Variants in IRF1 observed in about 807,000 individuals in gnomAD.
IRF1 encodes the protein interferon regulatory factor 1, also known as interferon regulatory factor-1.
In IRF1, 13 loss-of-function variants were observed where a neutral mutation model predicts 43.7. The observed-to-expected ratio is 0.30, with a 90% confidence interval of 0.19 to 0.47. The LOEUF is 0.47. Among genes scored for constraint, IRF1 ranks in the 20% least tolerant of loss-of-function variants. The probability of loss-of-function intolerance (pLI) is 0.99; values close to 1 mark genes in which losing one functional copy is unlikely to be tolerated. For synonymous variants in IRF1, 138 were observed against 146.8 expected (o/e 0.94, Z 0.43); for missense variants, 236 against 408.9 (o/e 0.58, Z 3.65).
In IRF1 at chr5:132,482,043, C is replaced by A. The variant is rs1452834691; in HGVS notation, c.*1908G>T. 6.7e-6 allele frequency: 1 copy of A among 149,758 alleles called. No individual in the cohort carries two copies. The highest frequency in any genetic ancestry group is 1.5e-5 in the Non-Finnish European group (1 of 67,906). The allele number at this position is 149,758 out of a possible 1,614,324, so 9.3% of individuals were successfully genotyped here. On this transcript the variant is annotated 3_prime_UTR_variant, in exon 10 of 10. Coordinates refer to ENST00000245414, the MANE Select transcript of IRF1 (RefSeq NM_002198.3). ...CTCCTTCTGCCATTGTCTATGTGAA[C>A]ATAAACAAAAGGATTTTTTTTTTTT...
At position 132,483,930 on chromosome 5, in the gene IRF1, AAG is replaced by A. The variant is rs779834769; in HGVS notation, c.*19_*20del. The A allele has an allele frequency of 1.9e-6, 3 of 1,611,882 alleles. No individual in the cohort carries two copies. In the African/African-American group the frequency reaches 4.0e-5, roughly 22 times the overall value. On this transcript the variant is annotated 3_prime_UTR_variant, in exon 10 of 10. Coordinates refer to ENST00000245414, the MANE Select transcript of IRF1 (RefSeq NM_002198.3). ...CCAGGTCCTGCTTGCCTAGAGGAATAAGAGGGGCCCAGGGGCCCTGCTACGGT... is the reference window on the plus strand; with the variant it reads ...CCAGGTCCTGCTTGCCTAGAGGAATAAGGGGCCCAGGGGCCCTGCTACGGT...
chr5:132,487,202 G>A (rs923426851), intron 3 of IRF1, 72 bp from the exon 4 acceptor site: 13 of 1,507,234 alleles, frequency 8.6e-6, no homozygotes, highest in Non-Finnish European at 1.1e-5. Flanking sequence ...TGGCCTGAAG[G>A]AGGAAGGCAA....
chr5:132,485,755 G>C (rs762524402), intron 7 of IRF1, 39 bp from the exon 8 acceptor site: 1 of 1,558,938 alleles, frequency 6.4e-7, no homozygotes, highest in Admixed American at 1.7e-5. Context: ...CTGGCAGTCA[G>C]CCACACTCAC....
At position 132,486,778 on chromosome 5, in the gene IRF1, C is replaced by CT. The variant is rs1754540230; in HGVS notation, c.414+16dup. On this transcript the variant is annotated intron_variant, in intron 5 of 9. Transcript: ENST00000245414. ...CCACAGGTGACCAAAGGCCTGGCTG[C>CT]TTAGGACCACACTCACCTTCCTCTT... 1.9e-6 allele frequency: 3 copies of CT among 1,614,216 alleles called. No homozygotes were observed. The highest frequency in any genetic ancestry group is 2.5e-6 in the Non-Finnish European group (3 of 1,180,038).
chr5:132,486,632 G>C lies in IRF1; in HGVS notation c.469C>G (p.Leu157Val). ...GTGTAGCTGCTGTGGTCATCAGGCA[G>C]AGTGGAGCTGCTGAGTCCATCAGAG... ...TFSDGLSSST[L>V]PDDHSSYTVP... Residue 157 changes from leucine to valine, a missense_variant, in exon 6 of 10, where the codon CTG (leucine) becomes GTG (valine). Physicochemically the swap from Leu to Val is conservative, Grantham distance 32. Transcript: ENST00000245414. 6.2e-7 allele frequency: 1 copy of C among 1,614,228 alleles called. No homozygotes were observed. The highest frequency in any genetic ancestry group is 1.7e-5 in the Admixed American group (1 of 60,034).
Position 132,489,321 on chromosome 5 carries a change from C to A in IRF1, c.87+71G>T, listed in dbSNP as rs185426788. ...TATCACTTCCCTTTTTGAGCTGCAT[C>A]TGAAGCTTTGGTCCCTCCAGAAGTA... is the stretch of plus-strand genomic sequence containing the variant. On this transcript the variant is annotated intron_variant, in intron 2 of 9. Coordinates refer to ENST00000245414, the MANE Select transcript of IRF1 (RefSeq NM_002198.3). The A allele has an allele frequency of 9.7e-5, 113 of 1,168,284 alleles. No homozygotes were observed. In the East Asian group the frequency reaches 2.6e-3, roughly 27 times the overall value. 72.4% of individuals were successfully genotyped at this position (1,168,284 alleles called of 1,614,324 possible).
At chr5:132,487,238 A>G in intron 3 of IRF1, 108 bp from the exon 4 acceptor site, 15 of 1,094,756 alleles carry the variant, frequency 1.4e-5, no homozygotes, top group Non-Finnish European at 1.8e-5. Flanking sequence ...TTATGCTACC[A>G]GAGAGCCACA....
chr5:132,486,055 A>C, intron 7 of IRF1, 196 bp downstream of exon 7: 2 of 709,902 alleles, frequency 2.8e-6, no homozygotes, highest in Non-Finnish European at 4.8e-6. Context: ...ACCAGCCCCC[A>C]CTGTACTGCA....
Position 132,486,818 on chromosome 5 carries a change from C to T in IRF1, c.391G>A (p.Ala131Thr). The part of the protein sequence containing the change: ...KERKSKSSRD[A>T]KSKAKRKSCG... The stretch of plus-strand genomic sequence containing the variant: ...ACCTTCCTCTTGGCCTTGCTCTTAG[C>T]ATCTCGGCTGGACTTCGACTTTCTT... The change falls in exon 5 of 10, where the codon GCT becomes ACT. Residue 131 changes from alanine (A) to threonine (T), a missense_variant. This residue lies in a region of IRF1 where 170 missense variants were observed against 251.8 expected (regional missense o/e 0.68). Transcript: ENST00000245414. The T allele has an allele frequency of 6.2e-7, 1 of 1,614,216 alleles. No individual in the cohort carries two copies. The highest frequency in any genetic ancestry group is 1.3e-5 in the African/African-American group (1 of 75,060).
chr5:132,489,605 ACT>A (rs1170963894), intron 1 of IRF1, 122 bp from the exon 2 acceptor site: 5 of 713,594 alleles, frequency 7.0e-6, no homozygotes. Context: ...TAGGTACTAC[ACT>A]CAGTGCGGAG....
intron 8 of IRF1, 40 bp downstream of exon 8, chr5:132,485,627 A>G: frequency 6.7e-7 from 1 of 1,490,358 alleles, no homozygotes; most frequent in Non-Finnish European, 9.4e-7. Flanking sequence ...TCACTGAGAA[A>G]CGGTCACTTC....
chr5:132,486,539 A>G lies in IRF1; in HGVS notation c.544+18T>C, dbSNP rs17848404. 3.9e-4 allele frequency: 631 copies of G among 1,613,872 alleles called. 3 individuals carry two copies. The African/African-American group carries it at 7.6e-3, about 19-fold the overall frequency. On this transcript the variant is annotated intron_variant, in intron 6 of 9. Coordinates refer to ENST00000245414, the MANE Select transcript of IRF1 (RefSeq NM_002198.3). ...CCACTGACCTGTGGGGTCTCCTGCC[A>G]GACCTGGACCAGCTCACCTGGAGTC...
At chr5:132,487,760 G>A (rs1396911167) in intron 3 of IRF1, 166 bp downstream of exon 3, 4 of 593,370 alleles carry the variant, frequency 6.7e-6, no homozygotes, top group Admixed American at 2.9e-5. Context: ...TGAGATGATC[G>A]ACTCTCTTCT....
At position 132,484,732 on chromosome 5, in the gene IRF1, C is replaced by G. The variant is rs114690554; in HGVS notation, c.718-235G>C. 1,205 of 540,614 alleles carry G rather than the reference C, an allele frequency of 2.2e-3. 14 individuals carry two copies. The highest frequency in any genetic ancestry group is 0.021 in the African/African-American group (1,127 of 53,124). The allele number at this position is 540,614 out of a possible 1,614,324, so 33.5% of individuals were successfully genotyped here. On this transcript the variant is annotated intron_variant, in intron 8 of 9. Transcript: ENST00000245414. Reference sequence around the variant, plus strand: ...TTTTCCCACCCCTCTCACACCCACTCTCTGGTATAGCATCTCCACGACTTC... The same window carrying G: ...TTTTCCCACCCCTCTCACACCCACTGTCTGGTATAGCATCTCCACGACTTC...
At chr5:132,485,961 T>C (rs1185045383) in intron 7 of IRF1, 1 of 256,588 alleles carries the variant, frequency 3.9e-6, no homozygotes, top group East Asian at 6.3e-5. Flanking sequence ...CCTACTTCCT[T>C]CCTCACCCTC....
Position 132,487,093 on chromosome 5 carries a change from C to T in IRF1, c.225G>A (p.Lys75=). Residue 75 remains lysine (K), a synonymous_variant, in exon 4 of 10, where the codon AAG becomes AAA. Coordinates refer to ENST00000245414, the MANE Select transcript of IRF1 (RefSeq NM_002198.3). ...CACAGCGAAAGTTGGCCTTCCACGT[C>T]TTGGGATCTGGCTCCTTTTCCCCTG... ...YKAGEKEPDP[K]TWKANFRCAM... 1.2e-6 allele frequency: 2 copies of T among 1,614,208 alleles called. No individual in the cohort carries two copies. Among genetic ancestry groups the T allele is most frequent in the Non-Finnish European group, 1.7e-6 (2 of 1,180,038 alleles).
Position 132,487,021 on chromosome 5 carries a change from C to T in IRF1, c.297G>A (p.Arg99=), listed in dbSNP as rs767073985. 7 of 1,614,184 alleles carry T rather than the reference C, an allele frequency of 4.3e-6. 1 individual carries two copies. The East Asian group carries it at 8.9e-5, about 21-fold the overall frequency. ...PDIEEVKDQS[R]NKGSSAVRVY... Reference sequence around the variant, plus strand: ...CTCGCACAGCTGAGCTGCCCTTGTTCCTGCTCTGGTCTTTCACCTCCTCGA... The same window carrying T: ...CTCGCACAGCTGAGCTGCCCTTGTTTCTGCTCTGGTCTTTCACCTCCTCGA... Residue 99 remains arginine (R), a synonymous_variant, in exon 4 of 10, where the codon AGG becomes AGA. Transcript: ENST00000245414.
Position 132,483,728 on chromosome 5 carries a change from T to C in IRF1, c.*223A>G. On this transcript the variant is annotated 3_prime_UTR_variant, in exon 10 of 10. Transcript: ENST00000245414. Reference sequence around the variant, plus strand: ...ATACACTGGTCTCAGAACCTCATCTTCCCAGGAGGCAGGGCCAGCTTTACA... The same window carrying C: ...ATACACTGGTCTCAGAACCTCATCTCCCCAGGAGGCAGGGCCAGCTTTACA... The C allele has an allele frequency of 1.9e-6, 1 of 527,364 alleles. No homozygotes were observed. The highest frequency in any genetic ancestry group is 2.3e-5 in the South Asian group (1 of 43,616). 32.7% of individuals were successfully genotyped at this position (527,364 alleles called of 1,614,324 possible). A position where few individuals can be genotyped will look rare whatever the true frequency, so the allele number is the denominator to read the frequency against.
intron 7 of IRF1, 111 bp from the exon 8 acceptor site, chr5:132,485,827 T>C: frequency 3.6e-6 from 2 of 561,770 alleles, no homozygotes; most frequent in South Asian, 3.6e-5. Context: ...TCTGTCTCTC[T>C]GACACACACA....
Sources: gnomAD v4.1 joint callset for allele counts on GRCh38, gnomAD v4.1.1 for gene constraint, gnomAD v4.1.1 regional missense constraint, MANE v1.5 for transcripts, NCBI Gene and HGNC (gene_info 2026-07-23, HGNC 2026-07-21) for gene names.